The following CEP83 variants were observed in gnomAD, a reference collection of about 807,000 sequenced individuals.
CEP83 encodes the protein centrosomal protein 83.
A neutral mutation model predicts 101.9 loss-of-function variants in CEP83; 70 were observed. The observed-to-expected ratio is 0.69, with a 90% CI of 0.57 to 0.84. The LOEUF (loss-of-function observed/expected upper bound fraction) is 0.84, where lower values mean the gene tolerates loss of function less well. Among genes scored for constraint, CEP83 ranks in the 40% least tolerant of loss-of-function variants. The pLI, the probability that CEP83 is intolerant of heterozygous loss-of-function variation, is 0.00. For missense variants in CEP83, 715 were observed against 787.2 expected, an observed-to-expected ratio of 0.91 and a Z score of 1.10; for synonymous variants, 264 against 267.9, an observed-to-expected ratio of 0.99 and a Z score of 0.14.
chr12:94,372,252 G>T (rs536554297), intron 8 of CEP83, among the ~76,000 whole-genome samples: 1 of 152,030 alleles, frequency 6.6e-6, no homozygotes, highest in Non-Finnish European at 1.5e-5. Flanking sequence ...GATTACAGGC[G>T]TTAAGCCACC....
chr12:94,292,657 GAATT>G, the CEP83 span, among the ~76,000 whole-genome samples: 4 of 152,132 alleles, frequency 2.6e-5, no homozygotes, highest in Non-Finnish European at 5.9e-5. Context: ...TTTAAACACA[GAATT>G]TATTTATGTT....
At chr12:94,416,191 T>C (rs1264881536) in intron 2 of CEP83, among the ~76,000 whole-genome samples, 1 of 152,100 alleles carries the variant, frequency 6.6e-6, no homozygotes, top group Non-Finnish European at 1.5e-5. Context: ...GGAATAAAGG[T>C]TTCTACTTTG....
chr12:94,423,118 CTT>C lies in CEP83; in HGVS notation c.-101-10529_-101-10528del, dbSNP rs574325628. 2.1e-4 allele frequency among the ~76,000 whole-genome samples: 32 copies of C among 151,684 alleles called. No individual in the cohort carries two copies. In the East Asian group the frequency reaches 5.8e-3, roughly 27 times the overall value. On this transcript the variant is annotated intron_variant, in intron 2 of 16. Coordinates refer to ENST00000397809, the MANE Select transcript of CEP83 (RefSeq NM_016122.3). ...TTTTTTTCTGAGATGGAGTTTCACTCTTGTTGCCCAGGCTGGAGTGCAATGGC... is the reference window on the plus strand; with the variant it reads ...TTTTTTTCTGAGATGGAGTTTCACTCGTTGCCCAGGCTGGAGTGCAATGGC...
At chr12:94,344,641 A>T (rs2059848616) in intron 11 of CEP83, among the ~76,000 whole-genome samples, 1 of 152,184 alleles carries the variant, frequency 6.6e-6, no homozygotes, top group African/African-American at 2.4e-5. Flanking sequence ...TGATATATAC[A>T]ATGAAAACTG....
intron 6 of CEP83, among the ~76,000 whole-genome samples, chr12:94,380,071 CAAAAAAAAAAAAA>C (rs11362391): frequency 1.2e-5 from 1 of 83,194 alleles, no homozygotes; most frequent in Non-Finnish European, 2.4e-5. Flanking sequence ...CCCGGCCCTG[CAAAAAAAAAAAAA>C]AAAAAACAAA....
intron 11 of CEP83, among the ~76,000 whole-genome samples, chr12:94,347,875 T>TACA (rs2060013007): frequency 6.6e-6 from 1 of 152,128 alleles, no homozygotes; most frequent in South Asian, 2.1e-4. Context: ...GTGAGGATTG[T>TACA]ACAACTGTAT....
At chr12:94,326,273 T>C (rs936059060) in intron 14 of CEP83, among the ~76,000 whole-genome samples, 1 of 152,190 alleles carries the variant, frequency 6.6e-6, no homozygotes, top group African/African-American at 2.4e-5. Flanking sequence ...CATTTGGCTA[T>C]TCCTGACTTT....
chr12:94,283,769 T>G, the CEP83 span, among the ~76,000 whole-genome samples: 1 of 152,144 alleles, frequency 6.6e-6, no homozygotes, highest in African/African-American at 2.4e-5. Flanking sequence ...TTAATCTGGG[T>G]GGTACCAGCT....
intron 2 of CEP83, among the ~76,000 whole-genome samples, chr12:94,429,382 G>C (rs1475012841): frequency 6.6e-6 from 1 of 152,186 alleles, no homozygotes; most frequent in Non-Finnish European, 1.5e-5. Context: ...GTGCACAACA[G>C]CATTGCTCCA....
At chr12:94,448,241 G>A (rs190640987) in intron 1 of CEP83, among the ~76,000 whole-genome samples, 299 of 152,016 alleles carry the variant, frequency 2.0e-3, no homozygotes, top group Admixed American at 3.9e-3. Context: ...ATGAAAACAG[G>A]GTCACTATAT....
At chr12:94,382,824 AAAG>A (rs2061923659) in intron 6 of CEP83, among the ~76,000 whole-genome samples, 1 of 152,028 alleles carries the variant, frequency 6.6e-6, no homozygotes, top group African/African-American at 2.4e-5. Flanking sequence ...GAATACTTCA[AAAG>A]AACATGTCTG....
intron 6 of CEP83, among the ~76,000 whole-genome samples, chr12:94,398,780 A>C (rs1337668940): frequency 6.6e-6 from 1 of 152,178 alleles, no homozygotes; most frequent in Non-Finnish European, 1.5e-5. Flanking sequence ...TTTTCCTGGC[A>C]AGGAATATTA....
intron 11 of CEP83, among the ~76,000 whole-genome samples, chr12:94,357,555 C>T (rs867242700): frequency 3.9e-5 from 6 of 152,292 alleles, no homozygotes; most frequent in African/African-American, 1.4e-4. Flanking sequence ...GGGGCATTTC[C>T]AGCACAGGCC....
chr12:94,308,469 G>C lies in CEP83; in HGVS notation c.*344C>G, dbSNP rs1211604811. On this transcript the variant is annotated 3_prime_UTR_variant, in exon 17 of 17. Transcript: ENST00000397809. ...TATGGCCAAGCATCTCAAAGATGAA[G>C]AGAGAATTAATGATAGTTATATTTC... 5.5e-6 allele frequency: 1 copy of C among 181,706 alleles called. No individual in the cohort carries two copies. Among genetic ancestry groups the C allele is most frequent in the Non-Finnish European group, 1.1e-5 (1 of 87,004 alleles). 11.3% of individuals were successfully genotyped at this position (181,706 alleles called of 1,614,324 possible). A position where few individuals can be genotyped will look rare whatever the true frequency, so the allele number is the denominator to read the frequency against.
the CEP83 span, among the ~76,000 whole-genome samples, chr12:94,279,050 C>G: frequency 6.6e-6 from 1 of 152,122 alleles, no homozygotes; most frequent in Non-Finnish European, 1.5e-5. Flanking sequence ...GTAACCTTCC[C>G]TGTCACCTAG....
At chr12:94,440,730 T>C (rs2066340316) in intron 1 of CEP83, among the ~76,000 whole-genome samples, 1 of 151,904 alleles carries the variant, frequency 6.6e-6, no homozygotes, top group Non-Finnish European at 1.5e-5. Context: ...TGCAAAGCAA[T>C]ACTAAGCACA....
chr12:94,453,600 T>TA (rs1281328495), intron 1 of CEP83, among the ~76,000 whole-genome samples: 1 of 152,216 alleles, frequency 6.6e-6, no homozygotes, highest in African/African-American at 2.4e-5. Flanking sequence ...GTGCCTAGCA[T>TA]AGCATGAGAC....
chr12:94,303,770 T>C (rs754293608), downstream of CEP83: 25 of 1,357,468 alleles, frequency 1.8e-5, no homozygotes, highest in East Asian at 8.3e-4. Flanking sequence ...CACCAACTAA[T>C]AAGCTTCTCT....
chr12:94,375,984 G>T lies in CEP83; in HGVS notation c.835C>A (p.Arg279Ser). The T allele has an allele frequency of 6.4e-7, 1 of 1,558,424 alleles. No individual in the cohort carries two copies. Among genetic ancestry groups the T allele is most frequent in the Non-Finnish European group, 8.7e-7 (1 of 1,149,482 alleles). Residue 279 changes from arginine to serine, a missense_variant, in exon 8 of 17, where the codon CGT becomes AGT. Arg to Ser is a moderately radical substitution (Grantham distance 110, BLOSUM62 -1). Coordinates refer to ENST00000397809, the MANE Select transcript of CEP83 (RefSeq NM_016122.3). ...CTTGATTGTAGCTCTTTTTCCAAAC[G>T]TTCTGCCCGTAAATTAGCTGATTGT... ...EKQSANLRAE[R>S]LEKELQSSSE...
Sources: gnomAD v4.1 joint callset for allele counts (sites outside exome capture counted in the v4.1 genomes callset) on GRCh38, gnomAD v4.1.1 for gene constraint, MANE v1.5 for transcripts, NCBI Gene and HGNC (gene_info 2026-07-23, HGNC 2026-07-21) for gene names.